The following MEGF11 variants were observed in gnomAD, a reference collection of about 807,000 sequenced individuals.
MEGF11 encodes multiple epidermal growth factor-like domains protein 11.
In MEGF11, 126 loss-of-function variants were observed where a neutral mutation model predicts 146.6. That is an observed-to-expected ratio of 0.86 (90% CI 0.74 to 1.00). The LOEUF (loss-of-function observed/expected upper bound fraction) is 1.00. MEGF11 is among the 50% of genes least tolerant of loss of function. The pLI, the probability that MEGF11 is intolerant of heterozygous loss-of-function variation, is 0.00. For missense variants in MEGF11, 1,509 were observed against 1,521.2 expected (o/e 0.99, Z 0.13); for synonymous variants, 532 against 583.4 (o/e 0.91, Z 1.27).
chr15:65,970,503 T>A (rs769798647), intron 8 of MEGF11, 50 bp downstream of exon 8: 1 of 1,587,310 alleles, frequency 6.3e-7, no homozygotes, highest in African/African-American at 1.3e-5. Context: ...AAGTCTCCTA[T>A]GAATATGAGT....
At chr15:65,903,292 G>A (rs1222162305) in intron 24 of MEGF11, among the ~76,000 whole-genome samples, 1 of 152,184 alleles carries the variant, frequency 6.6e-6, no homozygotes, top group East Asian at 1.9e-4. Context: ...ATGGAGAATA[G>A]CAATTTGAAA....
intron 5 of MEGF11, among the ~76,000 whole-genome samples, chr15:66,052,941 G>A (rs1185643870): frequency 2.6e-5 from 4 of 152,190 alleles, no homozygotes; most frequent in Admixed American, 6.5e-5. Context: ...CAGCCAGAGT[G>A]GGAAGAATCA....
chr15:66,197,298 G>A (rs558140969), intron 1 of MEGF11, among the ~76,000 whole-genome samples: 8 of 152,162 alleles, frequency 5.3e-5, no homozygotes, highest in African/African-American at 1.9e-4. Context: ...AGTCTGATGC[G>A]ATAATCCCAG....
At position 65,895,343 on chromosome 15, in the gene MEGF11, C is replaced by T. The variant is rs775661533; in HGVS notation, c.*2591G>A. The T allele has an allele frequency of 2.6e-5, 4 of 152,636 alleles. No homozygotes were observed. The highest frequency in any genetic ancestry group is 6.5e-5 in the Admixed American group (1 of 15,286). 9.5% of individuals were successfully genotyped at this position (152,636 alleles called of 1,614,324 possible). A position where few individuals can be genotyped will look rare whatever the true frequency, so the allele number is the denominator to read the frequency against. ...TTATTTTGTACAAGGTACAATCCCTCTGCACAGTGAACATATATTACAAAT... is the reference window on the plus strand; with the variant it reads ...TTATTTTGTACAAGGTACAATCCCTTTGCACAGTGAACATATATTACAAAT... On this transcript the variant is annotated 3_prime_UTR_variant, in exon 26 of 26. Coordinates refer to ENST00000395614, the MANE Select transcript of MEGF11 (RefSeq NM_001385028.1).
At chr15:66,027,855 C>A (rs2083389070) in intron 5 of MEGF11, among the ~76,000 whole-genome samples, 2 of 152,188 alleles carry the variant, frequency 1.3e-5, no homozygotes, top group Non-Finnish European at 2.9e-5. Context: ...AAGCTCTGCA[C>A]CTTAAGCTGT....
intron 5 of MEGF11, among the ~76,000 whole-genome samples, chr15:66,001,825 TTTTCC>T (rs1162249826): frequency 6.6e-6 from 1 of 152,076 alleles, no homozygotes; most frequent in African/African-American, 2.4e-5. Context: ...TTTTCTTTTC[TTTTCC>T]TTTTAAAACA....
rs147619281 is a variant in MEGF11, at chr15:66,086,327, C to T, written c.394+8075G>A. On this transcript the variant is annotated intron_variant, in intron 5 of 25. Coordinates refer to ENST00000395614, the MANE Select transcript of MEGF11 (RefSeq NM_001385028.1). ...CACAAAGAACACCTGGGAAATTCAT[C>T]GCAAAAAGATCTTCACCTGGGCAAA... is the stretch of plus-strand genomic sequence containing the variant. Among the ~76,000 whole-genome samples, 231 of 152,234 alleles carry T rather than the reference C, an allele frequency of 1.5e-3. 2 individuals carry two copies. The highest frequency in any genetic ancestry group is 5.2e-3 in the African/African-American group (215 of 41,542).
Position 66,123,922 on chromosome 15 carries a change from G to C in MEGF11, c.177C>G (p.Asn59Lys). 6.2e-7 allele frequency: 1 copy of C among 1,613,964 alleles called. No individual in the cohort carries two copies. The highest frequency in any genetic ancestry group is 1.1e-5 in the South Asian group (1 of 91,082). ...IYYTRCTDIL[N>K]WFKCTRHRIS... Reference sequence around the variant, plus strand: ...ACCGGTGCCTGGTGCACTTGAACCAGTTGAGGATGTCTGTGCATCGTGTGT... The same window carrying C: ...ACCGGTGCCTGGTGCACTTGAACCACTTGAGGATGTCTGTGCATCGTGTGT... Residue 59 changes from asparagine to lysine, a missense_variant, in exon 3 of 26, where the codon AAC becomes AAG. By Grantham distance (94) the Asn-to-Lys change is moderately conservative. Transcript: ENST00000395614.
At chr15:66,242,717 G>C (rs973048101) in intron 1 of MEGF11, among the ~76,000 whole-genome samples, 2 of 152,112 alleles carry the variant, frequency 1.3e-5, no homozygotes, top group Non-Finnish European at 2.9e-5. Flanking sequence ...GGACACAGAA[G>C]TTACTGTCAA....
intron 1 of MEGF11, among the ~76,000 whole-genome samples, chr15:66,253,161 G>T (rs570817367): frequency 5.3e-5 from 8 of 152,206 alleles, no homozygotes; most frequent in Admixed American, 2.0e-4. Context: ...CCCCGGCGGG[G>T]AAGGCGCCGG....
intron 1 of MEGF11, among the ~76,000 whole-genome samples, chr15:66,160,707 C>CACACACACACACACACA (rs1555477714): frequency 1.1e-5 from 1 of 88,158 alleles, no homozygotes; most frequent in African/African-American, 3.8e-5. Context: ...ACACACACAC[C>CACACACACACACACACA]CTTGCCCTAG....
intron 24 of MEGF11, among the ~76,000 whole-genome samples, chr15:65,901,561 T>G (rs1426321038): frequency 6.6e-6 from 1 of 152,064 alleles, no homozygotes; most frequent in African/African-American, 2.4e-5. Context: ...CCTCACTACG[T>G]GTCTTGTTAT....
intron 5 of MEGF11, among the ~76,000 whole-genome samples, chr15:66,061,889 C>T (rs1234071810): frequency 6.6e-6 from 1 of 152,232 alleles, no homozygotes; most frequent in Non-Finnish European, 1.5e-5. Context: ...CCTCCTGCTT[C>T]AGCTTAAGTA....
chr15:66,141,233 G>GGTGTGTGTGT (rs572801225), intron 1 of MEGF11, among the ~76,000 whole-genome samples: 3 of 97,204 alleles, frequency 3.1e-5, no homozygotes, highest in African/African-American at 1.2e-4. Context: ...CAGACTCAGG[G>GGTGTGTGTGT]GTGTGTGTGT....
At chr15:66,236,069 T>G (rs1467399105) in intron 1 of MEGF11, among the ~76,000 whole-genome samples, 1 of 152,102 alleles carries the variant, frequency 6.6e-6, no homozygotes, top group Non-Finnish European at 1.5e-5. Context: ...GAAGGCTTCC[T>G]GGAGGAGATG....
At chr15:66,225,248 C>CA (rs1163700097) in intron 1 of MEGF11, among the ~76,000 whole-genome samples, 4 of 152,232 alleles carry the variant, frequency 2.6e-5, no homozygotes, top group Non-Finnish European at 5.9e-5. Flanking sequence ...CTGCAGGAGC[C>CA]ATTTCCCATC....
intron 5 of MEGF11, among the ~76,000 whole-genome samples, chr15:66,093,161 G>C (rs2086390489): frequency 1.3e-5 from 2 of 152,100 alleles, no homozygotes; most frequent in Non-Finnish European, 2.9e-5. Flanking sequence ...GGGGTTTCTT[G>C]GATACCTCAA....
intron 8 of MEGF11, among the ~76,000 whole-genome samples, chr15:65,968,982 C>T (rs1198602886): frequency 6.6e-6 from 1 of 152,120 alleles, no homozygotes; most frequent in Non-Finnish European, 1.5e-5. Flanking sequence ...CCAGGCAGCC[C>T]GTTTAGGTGA....
At chr15:66,049,463 T>C (rs2084362903) in intron 5 of MEGF11, among the ~76,000 whole-genome samples, 1 of 152,170 alleles carries the variant, frequency 6.6e-6, no homozygotes, top group Non-Finnish European at 1.5e-5. Context: ...GGGGAACTAT[T>C]GACATTTAGA....
Sources: gnomAD v4.1 joint callset for allele counts (sites outside exome capture counted in the v4.1 genomes callset) on GRCh38, gnomAD v4.1.1 for gene constraint, MANE v1.5 for transcripts, NCBI Gene and HGNC (gene_info 2026-07-23, HGNC 2026-07-21) for gene names.